FOXP2: variants seen among roughly 807,000 people sequenced by gnomAD.
FOXP2 encodes the protein forkhead box P2.
Under a neutral mutation model 115.8 loss-of-function variants are expected in FOXP2, and 12 were observed. The observed-to-expected ratio is 0.10, with a 90% CI of 0.07 to 0.17. The LOEUF is 0.17. Among genes scored for constraint, FOXP2 ranks in the 10% least tolerant of loss-of-function variants. The pLI, the probability that FOXP2 is intolerant of heterozygous loss-of-function variation, is 1.00. For synonymous variants in FOXP2, 328 were observed against 297.7 expected (o/e 1.10, Z -1.05); for missense variants, 629 against 843.5 (o/e 0.75, Z 3.15).
intron 2 of FOXP2, among the ~76,000 whole-genome samples, chr7:114,394,555 A>C (rs1792693615): frequency 6.6e-6 from 1 of 152,150 alleles, no homozygotes; most frequent in South Asian, 2.1e-4. Flanking sequence ...GCAGTGGAGA[A>C]GCCTGGCAGA....
chr7:114,294,714 G>A (rs546490793), intron 2 of FOXP2, among the ~76,000 whole-genome samples: 56 of 151,926 alleles, frequency 3.7e-4, no homozygotes, highest in Non-Finnish European at 6.0e-4. Flanking sequence ...GATGGTGGAC[G>A]CCTGTAATCC....
At chr7:114,671,545 A>C (rs1807484649) in intron 16 of FOXP2, among the ~76,000 whole-genome samples, 2 of 152,210 alleles carry the variant, frequency 1.3e-5, no homozygotes, top group Non-Finnish European at 2.9e-5. Context: ...CTTTGTTAGA[A>C]CATACAACTT....
At chr7:114,646,790 GAAAATATCTCATT>G (rs1253705123) in intron 8 of FOXP2, among the ~76,000 whole-genome samples, 5 of 151,924 alleles carry the variant, frequency 3.3e-5, no homozygotes, top group African/African-American at 1.2e-4. Context: ...GGAAAAGAAA[GAAAATATCTCATT>G]AAATGAATTA....
chr7:114,220,759 TACTC>T (rs1170892311), intron 1 of FOXP2, among the ~76,000 whole-genome samples: 4 of 152,218 alleles, frequency 2.6e-5, no homozygotes, highest in Non-Finnish European at 5.9e-5. Context: ...ATATGTTAAA[TACTC>T]ACTTTAATTG....
chr7:114,500,764 G>C (rs1369367865), intron 2 of FOXP2, among the ~76,000 whole-genome samples: 1 of 152,070 alleles, frequency 6.6e-6, no homozygotes, highest in Non-Finnish European at 1.5e-5. Flanking sequence ...CATAGAGAAA[G>C]ACAAACAAAC....
chr7:114,363,574 C>T (rs1198643736), intron 2 of FOXP2, among the ~76,000 whole-genome samples: 1 of 152,016 alleles, frequency 6.6e-6, no homozygotes, highest in Admixed American at 6.6e-5. Context: ...CAAATATGCA[C>T]AGAGATATAG....
intron 1 of FOXP2, among the ~76,000 whole-genome samples, chr7:114,274,865 G>A (rs563067328): frequency 1.3e-5 from 2 of 151,710 alleles, no homozygotes; most frequent in East Asian, 3.9e-4. Flanking sequence ...ATGTTACCTA[G>A]GCTGGTCTGG....
intron 3 of FOXP2, among the ~76,000 whole-genome samples, chr7:114,563,582 G>A (rs1358617739): frequency 6.6e-6 from 1 of 152,160 alleles, no homozygotes; most frequent in Non-Finnish European, 1.5e-5. Flanking sequence ...CCCACAAGGT[G>A]GGCTGAGAAC....
At chr7:114,475,918 T>C (rs1408394854) in intron 2 of FOXP2, among the ~76,000 whole-genome samples, 1 of 151,922 alleles carries the variant, frequency 6.6e-6, no homozygotes, top group Non-Finnish European at 1.5e-5. Flanking sequence ...TCTTACGATT[T>C]TGAAGAATTT....
chr7:114,220,724 T>C (rs938124739), intron 1 of FOXP2, among the ~76,000 whole-genome samples: 4 of 152,204 alleles, frequency 2.6e-5, no homozygotes, highest in Non-Finnish European at 4.4e-5. Context: ...ACCACTTTCA[T>C]CACTATTACC....
intron 2 of FOXP2, among the ~76,000 whole-genome samples, chr7:114,399,248 C>T (rs1236082343): frequency 6.6e-6 from 1 of 151,788 alleles, no homozygotes; most frequent in East Asian, 1.9e-4. Context: ...GCTGTGATTA[C>T]AGGCACCTGC....
intron 2 of FOXP2, among the ~76,000 whole-genome samples, chr7:114,323,451 A>G (rs565699532): frequency 1.3e-5 from 2 of 152,108 alleles, no homozygotes; most frequent in East Asian, 3.9e-4. Context: ...GAGAGGGAGG[A>G]TGCATTAATA....
At chr7:114,478,547 C>G (rs1252883443) in intron 2 of FOXP2, among the ~76,000 whole-genome samples, 1 of 151,774 alleles carries the variant, frequency 6.6e-6, no homozygotes, top group East Asian at 1.9e-4. Context: ...ACTGATAGAT[C>G]AGTAGTCCAC....
chr7:114,320,673 G>A (rs1797398997), intron 2 of FOXP2, among the ~76,000 whole-genome samples: 1 of 152,162 alleles, frequency 6.6e-6, no homozygotes, highest in Non-Finnish European at 1.5e-5. Flanking sequence ...TGTTCCACAA[G>A]TCTGTCTTCA....
chr7:114,261,026 G>T (rs955755615), intron 1 of FOXP2, among the ~76,000 whole-genome samples: 4 of 152,206 alleles, frequency 2.6e-5, no homozygotes, highest in Non-Finnish European at 5.9e-5. Context: ...TTCTTAAATA[G>T]TAGTAGATGG....
At chr7:114,223,062 TTA>T (rs1405949081) in intron 1 of FOXP2, among the ~76,000 whole-genome samples, 7 of 152,194 alleles carry the variant, frequency 4.6e-5, no homozygotes, top group Admixed American at 1.3e-4. Flanking sequence ...GCAGAACATT[TTA>T]TATGTTTCAT....
At chr7:114,558,564 T>A (rs1015846219) in intron 3 of FOXP2, among the ~76,000 whole-genome samples, 1 of 152,222 alleles carries the variant, frequency 6.6e-6, no homozygotes, top group South Asian at 2.1e-4. Flanking sequence ...TTTATGGGAC[T>A]GTCTCTGCTT....
intron 2 of FOXP2, among the ~76,000 whole-genome samples, chr7:114,439,496 C>T (rs573505283): frequency 3.9e-5 from 6 of 152,006 alleles, no homozygotes; most frequent in Admixed American, 6.6e-5. Context: ...CAAATATAAA[C>T]GTGGTATTAT....
chr7:114,202,767 C>T (rs145041863), intron 1 of FOXP2, among the ~76,000 whole-genome samples: 14 of 152,176 alleles, frequency 9.2e-5, no homozygotes, highest in African/African-American at 3.1e-4. Flanking sequence ...CCTAATTAGA[C>T]GTTTTGAGGA....
Sources: allele counts gnomAD v4.1 joint callset (sites outside exome capture counted in the v4.1 genomes callset), GRCh38; gene constraint gnomAD v4.1.1; transcripts MANE v1.5; gene names NCBI Gene and HGNC (gene_info 2026-07-23, HGNC 2026-07-21).